Variants in CCSER1 observed in about 807,000 individuals in gnomAD.
CCSER1 encodes the protein coiled-coil serine rich protein 1.
In CCSER1, 41 loss-of-function variants were observed where a neutral mutation model predicts 82.0. The ratio of observed to expected loss-of-function variants is 0.50; its 90% CI spans 0.39 to 0.65. The LOEUF is 0.65. CCSER1 is among the 30% of genes least tolerant of loss of function. The probability of loss-of-function intolerance (pLI) is 0.00; values close to 1 mark genes in which losing one functional copy is unlikely to be tolerated. For missense variants in CCSER1, 1,119 were observed against 1,064.2 expected (o/e 1.05, Z -0.72); for synonymous variants, 414 against 383.9 (o/e 1.08, Z -0.92).
Position 90,234,061 on chromosome 4 carries a change from A to T in CCSER1, c.-41-74183A>T, listed in dbSNP as rs1014972344. Among the ~76,000 whole-genome samples the T allele has an allele frequency of 4.6e-5, 7 of 152,296 alleles. No homozygotes were observed. The East Asian group carries it at 1.2e-3, about 25-fold the overall frequency. On this transcript the variant is annotated intron_variant, in intron 1 of 10. Coordinates refer to ENST00000509176, the MANE Select transcript of CCSER1 (RefSeq NM_001145065.2). The stretch of plus-strand genomic sequence containing the variant: ...TATCAATGGAAAACAAATACTTTTG[A>T]GGTTTGAAATTTTAAATCCGAAAAT...
chr4:90,879,524 G>A (rs1350119495), intron 8 of CCSER1, among the ~76,000 whole-genome samples: 19 of 144,792 alleles, frequency 1.3e-4, no homozygotes, highest in Middle Eastern at 7.3e-3. Flanking sequence ...AAGAGGAAGA[G>A]GAAGAGGAAG....
chr4:90,617,320 T>C (rs746491640), intron 5 of CCSER1, among the ~76,000 whole-genome samples: 10 of 152,144 alleles, frequency 6.6e-5, no homozygotes, highest in Non-Finnish European at 1.3e-4. Context: ...TCACCTCTTC[T>C]TTGGTTGTAT....
At chr4:91,524,119 AAT>A (rs2110150134) in intron 10 of CCSER1, among the ~76,000 whole-genome samples, 1 of 152,308 alleles carries the variant, frequency 6.6e-6, no homozygotes, top group East Asian at 1.9e-4. Flanking sequence ...TCCACTTGGT[AAT>A]TTGTTTAAAT....
At chr4:91,543,052 G>T (rs1761690394) in intron 10 of CCSER1, among the ~76,000 whole-genome samples, 1 of 152,162 alleles carries the variant, frequency 6.6e-6, no homozygotes, top group African/African-American at 2.4e-5. Flanking sequence ...TTACCATTAT[G>T]TAATGGCCTT....
intron 10 of CCSER1, among the ~76,000 whole-genome samples, chr4:91,309,099 T>C (rs1405863484): frequency 2.6e-5 from 4 of 151,974 alleles, no homozygotes; most frequent in Non-Finnish European, 5.9e-5. Flanking sequence ...TCTCCTCCTC[T>C]TTTTTAAAAA....
chr4:91,527,740 T>C (rs1023052527), intron 10 of CCSER1, among the ~76,000 whole-genome samples: 4 of 152,144 alleles, frequency 2.6e-5, no homozygotes, highest in Non-Finnish European at 5.9e-5. Flanking sequence ...GTATGAGGTA[T>C]ATATTTAGTA....
At chr4:90,468,203 A>G in intron 4 of CCSER1, 31 bp from the exon 5 acceptor site, 2 of 1,568,820 alleles carry the variant, frequency 1.3e-6, no homozygotes. Context: ...AATAATTTTG[A>G]CATTTACAAT....
chr4:91,299,689 G>T (rs887421753), intron 10 of CCSER1, among the ~76,000 whole-genome samples: 12 of 151,542 alleles, frequency 7.9e-5, no homozygotes, highest in African/African-American at 2.7e-4. Context: ...AATAAAAACT[G>T]ATTTTTTATA....
intron 5 of CCSER1, among the ~76,000 whole-genome samples, chr4:90,607,224 C>T (rs1486731841): frequency 6.6e-6 from 1 of 152,128 alleles, no homozygotes; most frequent in Non-Finnish European, 1.5e-5. Flanking sequence ...AAACCGTTGG[C>T]TGTTTTTAGA....
intron 6 of CCSER1, among the ~76,000 whole-genome samples, chr4:90,716,663 C>G (rs943617282): frequency 2.0e-5 from 3 of 152,028 alleles, no homozygotes; most frequent in Admixed American, 1.3e-4. Context: ...ATATTCAGTA[C>G]AGTAACATGC....
intron 8 of CCSER1, among the ~76,000 whole-genome samples, chr4:90,840,420 C>T (rs1762440263): frequency 6.6e-6 from 1 of 152,154 alleles, no homozygotes; most frequent in Admixed American, 6.5e-5. Flanking sequence ...GTGCTGTGTG[C>T]TCAAATCCTT....
intron 6 of CCSER1, among the ~76,000 whole-genome samples, chr4:90,638,118 G>T (rs1725761068): frequency 6.6e-6 from 1 of 152,110 alleles, no homozygotes; most frequent in Non-Finnish European, 1.5e-5. Context: ...TGTGAAGTTC[G>T]ATGGGCCATA....
intron 10 of CCSER1, among the ~76,000 whole-genome samples, chr4:91,533,388 C>G (rs111719701): frequency 2.6e-5 from 4 of 152,078 alleles, no homozygotes; most frequent in Non-Finnish European, 5.9e-5. Flanking sequence ...TTGGAAGGAG[C>G]TTTGGAATGT....
intron 10 of CCSER1, among the ~76,000 whole-genome samples, chr4:91,241,822 T>C (rs184928033): frequency 8.3e-4 from 126 of 152,290 alleles, no homozygotes; most frequent in African/African-American, 2.7e-3. Flanking sequence ...ATTGCAGCTC[T>C]AGCATGTGTT....
intron 8 of CCSER1, among the ~76,000 whole-genome samples, chr4:90,876,367 CTGTT>C (rs1767208214): frequency 6.6e-6 from 1 of 152,032 alleles, no homozygotes; most frequent in African/African-American, 2.4e-5. Flanking sequence ...CTAAAATAAT[CTGTT>C]AGTTAAGATC....
At chr4:90,601,598 T>G (rs1484542965) in intron 5 of CCSER1, among the ~76,000 whole-genome samples, 1 of 151,958 alleles carries the variant, frequency 6.6e-6, no homozygotes, top group Non-Finnish European at 1.5e-5. Context: ...TAGGTTTCAT[T>G]TGCTCTTTTT....
chr4:90,646,971 C>T (rs1344843766), intron 6 of CCSER1, among the ~76,000 whole-genome samples: 2 of 152,066 alleles, frequency 1.3e-5, no homozygotes, highest in Non-Finnish European at 2.9e-5. Context: ...CCCCAACACA[C>T]ATCCTTTTCA....
intron 5 of CCSER1, among the ~76,000 whole-genome samples, chr4:90,557,197 T>G (rs537119380): frequency 6.6e-6 from 1 of 152,154 alleles, no homozygotes; most frequent in Non-Finnish European, 1.5e-5. Context: ...TTTTCAAAAG[T>G]AAACTAAAAT....
At chr4:90,646,162 A>G (rs10022030) in intron 6 of CCSER1, among the ~76,000 whole-genome samples, 2,248 of 150,972 alleles carry the variant, frequency 0.015, 27 homozygotes, top group Middle Eastern at 0.031. Context: ...GATTTTGGGG[A>G]AAAAAATCAG....
Sources: allele counts gnomAD v4.1 joint callset (sites outside exome capture counted in the v4.1 genomes callset), GRCh38; gene constraint gnomAD v4.1.1; transcripts MANE v1.5; gene names NCBI Gene and HGNC (gene_info 2026-07-23, HGNC 2026-07-21).